Variants in PLAC8 observed in about 807,000 individuals in gnomAD.
PLAC8 encodes the protein placenta-specific gene 8 protein.
A neutral mutation model predicts 12.6 loss-of-function variants in PLAC8; 6 were observed. That is an observed-to-expected ratio of 0.48 (90% CI 0.26 to 0.94). The LOEUF is 0.94. Among genes scored for constraint, PLAC8 ranks in the 40% least tolerant of loss-of-function variants. PLAC8 has a pLI of 0.14. For missense variants in PLAC8, 122 were observed against 152.7 expected (o/e 0.80, Z 1.06); for synonymous variants, 54 against 52.6 (o/e 1.03, Z -0.11).
In PLAC8 at chr4:83,097,672, C is replaced by T. The variant is rs141174811; in HGVS notation, c.244-2881G>A. 3.2e-3 allele frequency among the ~76,000 whole-genome samples: 484 copies of T among 152,250 alleles called. 2 individuals carry two copies. Among genetic ancestry groups the T allele is most frequent in the African/African-American group, 0.011 (455 of 41,544 alleles). ...CACCCCTAATACATAATTAAAATAT[C>T]TTACTTATCAGAGTTTTCACTAAAA... On this transcript the variant is annotated intron_variant, in intron 3 of 4. Transcript: ENST00000311507.
At chr4:83,103,220 C>T (rs1426835900) in intron 3 of PLAC8, among the ~76,000 whole-genome samples, 1 of 151,918 alleles carries the variant, frequency 6.6e-6, no homozygotes, top group African/African-American at 2.4e-5. Context: ...CATGGTGAAA[C>T]CCTGTCTCTA....
intron 4 of PLAC8, chr4:83,093,629 C>T (rs1406561439): frequency 6.6e-6 from 1 of 152,226 alleles, no homozygotes; most frequent in Non-Finnish European, 1.5e-5. Flanking sequence ...ACCTATACAT[C>T]TTACAAGATG....
At chr4:83,103,017 C>T (rs1263564357) in intron 3 of PLAC8, among the ~76,000 whole-genome samples, 5 of 147,534 alleles carry the variant, frequency 3.4e-5, no homozygotes, top group Non-Finnish European at 7.4e-5. Context: ...ATCTGGGAGG[C>T]GGAGCTTGCA....
chr4:83,107,208 AAC>A (rs1491028624), intron 2 of PLAC8, among the ~76,000 whole-genome samples: 2 of 114,330 alleles, frequency 1.7e-5, no homozygotes, highest in Admixed American at 8.0e-5. Context: ...CTCAAAAACA[AAC>A]AAAAAAAAAA....
At chr4:83,112,466 G>C (rs1186732572) in intron 1 of PLAC8, among the ~76,000 whole-genome samples, 1 of 152,032 alleles carries the variant, frequency 6.6e-6, no homozygotes, top group Non-Finnish European at 1.5e-5. Flanking sequence ...AGAATGGGGG[G>C]CCCCAGGAGG....
chr4:83,113,594 G>A (rs773667068), intron 1 of PLAC8, among the ~76,000 whole-genome samples: 9 of 152,292 alleles, frequency 5.9e-5, no homozygotes, highest in South Asian at 2.1e-4. Context: ...AGTTCTGCCC[G>A]TTGTGGTGTG....
intron 4 of PLAC8, among the ~76,000 whole-genome samples, chr4:83,092,012 C>T (rs747484246): frequency 6.6e-5 from 10 of 152,110 alleles, no homozygotes; most frequent in Admixed American, 2.6e-4. Context: ...TCTATTTTAA[C>T]GTAAATCATG....
chr4:83,113,237 C>T (rs1167600910), intron 1 of PLAC8, among the ~76,000 whole-genome samples: 1 of 152,148 alleles, frequency 6.6e-6, no homozygotes, highest in Non-Finnish European at 1.5e-5. Context: ...TTGGTGAGCA[C>T]GTAGCTGCTT....
intron 3 of PLAC8, among the ~76,000 whole-genome samples, chr4:83,102,691 T>A (rs1357418213): frequency 6.6e-6 from 1 of 152,184 alleles, no homozygotes; most frequent in Non-Finnish European, 1.5e-5. Flanking sequence ...GTGGTAGAAA[T>A]AGCAAGAGAA....
Position 83,090,151 on chromosome 4 carries a change from C to T in PLAC8, c.*830G>A, listed in dbSNP as rs1731771929. 1 of 151,938 alleles carries T rather than the reference C, an allele frequency of 6.6e-6. No individual in the cohort carries two copies. The highest frequency in any genetic ancestry group is 1.5e-5 in the Non-Finnish European group (1 of 68,014). 9.4% of individuals were successfully genotyped at this position (151,938 alleles called of 1,614,324 possible). A position where few individuals can be genotyped will look rare whatever the true frequency, so the allele number is the denominator to read the frequency against. On this transcript the variant is annotated 3_prime_UTR_variant, in exon 5 of 5. Coordinates refer to ENST00000311507, the MANE Select transcript of PLAC8 (RefSeq NM_016619.3). ...CAAAGTATGGTGCAGTGGCTCACAC[C>T]TGTAATTCCAGCACCTTGGGAGGCT...
chr4:83,100,108 C>T (rs146286779), intron 3 of PLAC8, among the ~76,000 whole-genome samples: 3,091 of 151,626 alleles, frequency 0.02, 47 homozygotes, highest in Non-Finnish European at 0.032. Context: ...GGTGGAACCC[C>T]GTCTCTACTA....
At position 83,106,105 on chromosome 4, in the gene PLAC8, T is replaced by G. The variant is rs574399091; in HGVS notation, c.119-1085A>C. ...ACCTCTACCTCTCAGGTTCAAGCAA[T>G]TCTTCTGCCTCAGCCTCCCAAGTAG... On this transcript the variant is annotated intron_variant, in intron 2 of 4. Coordinates refer to ENST00000311507, the MANE Select transcript of PLAC8 (RefSeq NM_016619.3). 1.4e-3 allele frequency among the ~76,000 whole-genome samples: 208 copies of G among 152,170 alleles called. 2 individuals are homozygous for G. The highest frequency in any genetic ancestry group is 4.4e-3 in the African/African-American group (182 of 41,532).
chr4:83,109,870 C>G (rs1339718007), intron 1 of PLAC8: 1 of 152,332 alleles, frequency 6.6e-6, no homozygotes, highest in Non-Finnish European at 1.5e-5. Flanking sequence ...GGGACCAGAC[C>G]TGCCTGCCGG....
intron 3 of PLAC8, among the ~76,000 whole-genome samples, chr4:83,095,459 C>T (rs775493376): frequency 3.3e-5 from 5 of 151,984 alleles, no homozygotes; most frequent in Non-Finnish European, 7.4e-5. Flanking sequence ...CAAAATTAAG[C>T]AGAAAAAGCA....
intron 2 of PLAC8, 53 bp from the exon 3 acceptor site, chr4:83,105,073 C>A: frequency 6.2e-7 from 1 of 1,609,558 alleles, no homozygotes; most frequent in Non-Finnish European, 8.5e-7. Context: ...CCTGCCACAG[C>A]TGAAAGTTTA....
At chr4:83,110,662 A>G (rs1315592414) in intron 1 of PLAC8, among the ~76,000 whole-genome samples, 1 of 152,166 alleles carries the variant, frequency 6.6e-6, no homozygotes, top group Non-Finnish European at 1.5e-5. Flanking sequence ...AACAGTGGCG[A>G]GAGCCCAGCC....
At chr4:83,099,261 T>A (rs1454193535) in intron 3 of PLAC8, among the ~76,000 whole-genome samples, 2 of 151,842 alleles carry the variant, frequency 1.3e-5, no homozygotes, top group Non-Finnish European at 2.9e-5. Context: ...AGATGGAGTT[T>A]CATTCTTGTC....
intron 3 of PLAC8, among the ~76,000 whole-genome samples, chr4:83,102,785 A>G (rs947121033): frequency 6.6e-6 from 1 of 152,170 alleles, no homozygotes; most frequent in East Asian, 1.9e-4. Flanking sequence ...CTTATGGATG[A>G]GCAAAGAAAG....
rs1731792692 is a variant in PLAC8, at chr4:83,090,858, A to T, written c.*123T>A. 6.6e-6 allele frequency: 1 copy of T among 152,178 alleles called. No homozygotes were observed. The highest frequency in any genetic ancestry group is 6.5e-5 in the Admixed American group (1 of 15,274). The allele number at this position is 152,178 out of a possible 1,614,324, so 9.4% of individuals were successfully genotyped here. A position where few individuals can be genotyped will look rare whatever the true frequency, so the allele number is the denominator to read the frequency against. ...ATAAATCAAAAATTTGATTTTTTTC[A>T]TGCCATCAGTTGTACTTAAGCATAT... On this transcript the variant is annotated 3_prime_UTR_variant, in exon 5 of 5. Coordinates refer to ENST00000311507, the MANE Select transcript of PLAC8 (RefSeq NM_016619.3).
Sources: gnomAD v4.1 joint callset for allele counts (sites outside exome capture counted in the v4.1 genomes callset) on GRCh38, gnomAD v4.1.1 for gene constraint, MANE v1.5 for transcripts, NCBI Gene and HGNC (gene_info 2026-07-23, HGNC 2026-07-21) for gene names.